CAPN8: variants seen among roughly 807,000 people sequenced by gnomAD.
The protein encoded by CAPN8 is calpain 8.
In CAPN8, 87 loss-of-function variants were observed where a neutral mutation model predicts 80.9. That is an observed-to-expected ratio of 1.07 (90% CI 0.90 to 1.28). The LOEUF is 1.28. Among genes scored for constraint, CAPN8 ranks in the 50% most tolerant of loss-of-function variants. CAPN8 has a pLI of 0.00. For synonymous variants in CAPN8, 299 were observed against 273.8 expected, an observed-to-expected ratio of 1.09 and a Z score of -0.91; for missense variants, 757 against 702.0, an observed-to-expected ratio of 1.08 and a Z score of -0.89.
chr1:223,632,383 G>A (rs1300534537), intron 2 of CAPN8, among the ~76,000 whole-genome samples: 2 of 152,162 alleles, frequency 1.3e-5, no homozygotes, highest in Non-Finnish European at 2.9e-5. Flanking sequence ...GTTTTGTTTT[G>A]TTTTGTTTTG....
chr1:223,657,157 C>T (rs1027838205), intron 1 of CAPN8, among the ~76,000 whole-genome samples: 4 of 151,944 alleles, frequency 2.6e-5, no homozygotes, highest in Non-Finnish European at 4.4e-5. Context: ...TTTATTCATT[C>T]GCTTTCAGTC....
At chr1:223,634,476 TAG>T (rs1657859889) in intron 2 of CAPN8, among the ~76,000 whole-genome samples, 1 of 152,180 alleles carries the variant, frequency 6.6e-6, no homozygotes, top group African/African-American at 2.4e-5. Context: ...CGTGCCATCC[TAG>T]GATGGTGGGG....
intron 2 of CAPN8, among the ~76,000 whole-genome samples, chr1:223,631,933 G>T (rs890624863): frequency 6.6e-6 from 1 of 152,174 alleles, no homozygotes; most frequent in African/African-American, 2.4e-5. Context: ...GTTGCCTTCC[G>T]ATGTGAAGGT....
At chr1:223,646,933 T>C (rs2102730172) in intron 2 of CAPN8, among the ~76,000 whole-genome samples, 2 of 152,284 alleles carry the variant, frequency 1.3e-5, no homozygotes, top group Middle Eastern at 3.4e-3. Flanking sequence ...AGCAACACTC[T>C]AGGACTTGAT....
Position 223,544,130 on chromosome 1 carries a change from T to C in CAPN8, c.1966A>G (p.Ser656Gly). 1 of 718,400 alleles carries C rather than the reference T, an allele frequency of 1.4e-6. No individual in the cohort carries two copies. The highest frequency in any genetic ancestry group is 2.6e-6 in the Non-Finnish European group (1 of 385,110). The allele number at this position is 718,400 out of a possible 1,614,324, so 44.5% of individuals were successfully genotyped here. The change falls in exon 19 of 21, where the codon AGC becomes GGC. Residue 656 changes from serine (S) to glycine (G), a missense_variant. Coordinates refer to ENST00000366872, the MANE Select transcript of CAPN8 (RefSeq NM_001143962.2). ...CTGTCAAAGTTGATGCCAAGCTTGC[T>C]GCACGCATACCGCAGGGCAATGGTC... ...QQTIALRYAC[S>G]KLGINFDSFV... is the part of the protein sequence containing the mutation.
intron 2 of CAPN8, among the ~76,000 whole-genome samples, chr1:223,638,556 T>C (rs1252508610): frequency 6.6e-6 from 1 of 152,190 alleles, no homozygotes; most frequent in African/African-American, 2.4e-5. Context: ...TCTCTCCCAA[T>C]AAGCAACTGC....
chr1:223,643,520 T>A (rs1292936625), intron 2 of CAPN8, among the ~76,000 whole-genome samples: 1 of 152,112 alleles, frequency 6.6e-6, no homozygotes, highest in African/African-American at 2.4e-5. Flanking sequence ...TGGGAAAATA[T>A]CCTGAGTACA....
intron 10 of CAPN8, 25 bp downstream of exon 10, chr1:223,615,945 A>G (rs2102701045): frequency 6.4e-7 from 1 of 1,551,970 alleles, no homozygotes; most frequent in South Asian, 1.2e-5. Context: ...GTGTATAATG[A>G]AGGACAAACC....
chr1:223,625,694 A>T, intron 6 of CAPN8, 111 bp downstream of exon 6: 2 of 922,582 alleles, frequency 2.2e-6, no homozygotes, highest in East Asian at 5.5e-5. Flanking sequence ...GAAGCTCAAA[A>T]GCCAATTCCG....
intron 15 of CAPN8, chr1:223,549,662 T>C: frequency 1.8e-6 from 1 of 552,620 alleles, no homozygotes; most frequent in South Asian, 1.9e-5. Flanking sequence ...TTAATATCTT[T>C]GAGCTTTAAT....
At chr1:223,542,266 T>C (rs1004703282) in intron 20 of CAPN8, among the ~76,000 whole-genome samples, 3 of 130,086 alleles carry the variant, frequency 2.3e-5, no homozygotes, top group Non-Finnish European at 5.0e-5. Flanking sequence ...TGTTTCTATA[T>C]GTGTATATAT....
At chr1:223,638,801 C>T (rs1405020527) in intron 2 of CAPN8, among the ~76,000 whole-genome samples, 1 of 152,230 alleles carries the variant, frequency 6.6e-6, no homozygotes, top group African/African-American at 2.4e-5. Flanking sequence ...CTAATCCATT[C>T]ACCCCGTTAC....
intron 10 of CAPN8, among the ~76,000 whole-genome samples, chr1:223,614,769 T>C (rs1657123797): frequency 6.6e-6 from 1 of 152,214 alleles, no homozygotes; most frequent in Non-Finnish European, 1.5e-5. Context: ...CGGCACATAA[T>C]AGATGCTCAC....
chr1:223,610,017 G>A (rs1317240624), intron 11 of CAPN8, among the ~76,000 whole-genome samples: 3 of 152,236 alleles, frequency 2.0e-5, no homozygotes, highest in Non-Finnish European at 4.4e-5. Flanking sequence ...TTGCGGGGAG[G>A]TGGGAGGCTG....
At chr1:223,626,743 C>G (rs1425337703) in intron 5 of CAPN8, among the ~76,000 whole-genome samples, 13 of 152,138 alleles carry the variant, frequency 8.5e-5, no homozygotes, top group Admixed American at 8.5e-4. Flanking sequence ...ACTGAAGGGG[C>G]TCTAACAACG....
chr1:223,612,018 G>T (rs1170481490), intron 11 of CAPN8, among the ~76,000 whole-genome samples: 1 of 152,168 alleles, frequency 6.6e-6, no homozygotes, highest in African/African-American at 2.4e-5. Context: ...GGGGAAAAAG[G>T]TCACCACTGT....
intron 5 of CAPN8, among the ~76,000 whole-genome samples, chr1:223,626,122 C>T (rs1302388921): frequency 4.6e-5 from 7 of 152,136 alleles, no homozygotes; most frequent in Admixed American, 2.0e-4. Context: ...GACAATTTAC[C>T]AGCCTTCAAA....
At chr1:223,625,665 T>G in intron 6 of CAPN8, 140 bp downstream of exon 6, 1 of 652,280 alleles carries the variant, frequency 1.5e-6, no homozygotes. Flanking sequence ...ACAGGCAGAG[T>G]GCATCCCAAT....
At chr1:223,554,778 G>A (rs2102693501) in intron 13 of CAPN8, among the ~76,000 whole-genome samples, 1 of 152,286 alleles carries the variant, frequency 6.6e-6, no homozygotes, top group East Asian at 1.9e-4. Flanking sequence ...CTCTGTTATT[G>A]ATTTAACCAG....
Sources: gnomAD v4.1 joint callset for allele counts (sites outside exome capture counted in the v4.1 genomes callset) on GRCh38, gnomAD v4.1.1 for gene constraint, MANE v1.5 for transcripts, NCBI Gene and HGNC (gene_info 2026-07-23, HGNC 2026-07-21) for gene names.